The following DPP8 variants were observed in gnomAD, a reference collection of about 807,000 sequenced individuals.
DPP8 encodes dipeptidyl peptidase 8.
A neutral mutation model predicts 107.5 loss-of-function variants in DPP8; 31 were observed. The ratio of observed to expected loss-of-function variants is 0.29; its 90% CI spans 0.22 to 0.39. DPP8 has a LOEUF of 0.39. DPP8 is among the 10% of genes least tolerant of loss of function. The pLI is 1.00. For missense variants in DPP8, 842 were observed against 1,076.1 expected (o/e 0.78, Z 3.04); for synonymous variants, 381 against 356.6 (o/e 1.07, Z -0.77).
At chr15:65,472,421 C>G (rs1325616116) in intron 12 of DPP8, among the ~76,000 whole-genome samples, 1 of 151,924 alleles carries the variant, frequency 6.6e-6, no homozygotes, top group African/African-American at 2.4e-5. Flanking sequence ...AGCCTTCCAA[C>G]TAGCTGGGAC....
chr15:65,465,167 C>CT (rs199937501), intron 14 of DPP8, among the ~76,000 whole-genome samples: 1,869 of 127,712 alleles, frequency 0.015, 33 homozygotes, highest in African/African-American at 0.043. Flanking sequence ...TTTGTTTTTT[C>CT]TTTTTTTTTT....
intron 11 of DPP8, among the ~76,000 whole-genome samples, chr15:65,476,403 G>A (rs896833419): frequency 4.6e-5 from 7 of 152,148 alleles, no homozygotes; most frequent in Middle Eastern, 3.4e-3. Context: ...CAGCTCTTAA[G>A]AAAGCAAAGA....
chr15:65,471,076 G>A (rs2065852418), intron 12 of DPP8, among the ~76,000 whole-genome samples: 1 of 152,170 alleles, frequency 6.6e-6, no homozygotes, highest in African/African-American at 2.4e-5. Context: ...TACAATTATT[G>A]GGGTTCCCTC....
At chr15:65,488,435 C>T (rs1281479280) in intron 6 of DPP8, among the ~76,000 whole-genome samples, 2 of 151,310 alleles carry the variant, frequency 1.3e-5, no homozygotes, top group African/African-American at 4.9e-5. Flanking sequence ...GGCAATACCC[C>T]ATCTCTAAAA....
chr15:65,490,917 T>C (rs576697800), intron 5 of DPP8, among the ~76,000 whole-genome samples: 19 of 152,184 alleles, frequency 1.2e-4, no homozygotes, highest in African/African-American at 4.6e-4. Context: ...CCCAGCACTT[T>C]GGGAGGCCGA....
At chr15:65,496,900 A>AT (rs1424469987) in intron 5 of DPP8, among the ~76,000 whole-genome samples, 1 of 145,730 alleles carries the variant, frequency 6.9e-6, no homozygotes, top group Non-Finnish European at 1.5e-5. Context: ...AAGTAGTTTT[A>AT]TTTTTTTGAG....
chr15:65,474,100 G>C, intron 12 of DPP8, 109 bp downstream of exon 12: 1 of 823,944 alleles, frequency 1.2e-6, no homozygotes, highest in Non-Finnish European at 2.0e-6. Flanking sequence ...GCAAGACTCT[G>C]TCTCGGAAAA....
At chr15:65,490,103 A>AAT (rs2067879615) in intron 6 of DPP8, 86 bp downstream of exon 6, 1 of 612,148 alleles carries the variant, frequency 1.6e-6, no homozygotes, top group Non-Finnish European at 2.7e-6. Flanking sequence ...TCTATTATCC[A>AAT]AGATTTAGAA....
chr15:65,468,998 C>A (rs1027809904), intron 12 of DPP8, among the ~76,000 whole-genome samples: 1 of 151,954 alleles, frequency 6.6e-6, no homozygotes, highest in Non-Finnish European at 1.5e-5. Flanking sequence ...TTTTTGAGAC[C>A]GAGTTTCGCT....
At chr15:65,509,589 A>G (rs1445748415) in intron 2 of DPP8, among the ~76,000 whole-genome samples, 5 of 152,248 alleles carry the variant, frequency 3.3e-5, no homozygotes, top group Admixed American at 2.6e-4. Flanking sequence ...AGCATGACAA[A>G]GAACAAGAGG....
At chr15:65,488,103 ATT>A (rs778734703) in intron 6 of DPP8, among the ~76,000 whole-genome samples, 27 of 152,214 alleles carry the variant, frequency 1.8e-4, no homozygotes, top group Non-Finnish European at 3.5e-4. Flanking sequence ...CATAAAATGC[ATT>A]CTTTGTTGAA....
intron 4 of DPP8, among the ~76,000 whole-genome samples, chr15:65,498,782 G>A (rs2068859746): frequency 6.6e-6 from 1 of 152,010 alleles, no homozygotes. Flanking sequence ...ATAATCAATT[G>A]CCTAGGATAA....
intron 16 of DPP8, among the ~76,000 whole-genome samples, chr15:65,454,784 C>T (rs1460083441): frequency 6.6e-6 from 1 of 152,236 alleles, no homozygotes; most frequent in East Asian, 1.9e-4. Context: ...CTCGGCCTCC[C>T]AAATTGCTGG....
chr15:65,491,084 G>A (rs796221746), intron 5 of DPP8, among the ~76,000 whole-genome samples: 38 of 150,810 alleles, frequency 2.5e-4, no homozygotes, highest in African/African-American at 9.1e-4. Context: ...CTTGAACCCG[G>A]GAGGTGGAGG....
At chr15:65,484,525 A>G (rs1229129605) in intron 8 of DPP8, among the ~76,000 whole-genome samples, 1 of 152,094 alleles carries the variant, frequency 6.6e-6, no homozygotes, top group Admixed American at 6.6e-5. Flanking sequence ...TGTGAGTTAT[A>G]TATCTCAGTA....
intron 6 of DPP8, among the ~76,000 whole-genome samples, chr15:65,488,603 CAAAA>C (rs1166493197): frequency 2.4e-3 from 110 of 45,276 alleles, no homozygotes; most frequent in East Asian, 6.2e-3. Flanking sequence ...GACCCTGCCT[CAAAA>C]AAAAAAAAAA....
chr15:65,502,978 A>G (rs2069431842), intron 3 of DPP8: 1 of 152,240 alleles, frequency 6.6e-6, no homozygotes, highest in African/African-American at 2.4e-5. Context: ...ATGGATTGGA[A>G]GACAGAGTAA....
At chr15:65,500,558 AACCTTTTGG>A in intron 4 of DPP8, 39 bp downstream of exon 4, 1 of 1,493,072 alleles carries the variant, frequency 6.7e-7, no homozygotes, top group Non-Finnish European at 9.3e-7. Context: ...GGGTACAAAT[AACCTTTTGG>A]ACCCAAACCA....
intron 8 of DPP8, among the ~76,000 whole-genome samples, chr15:65,482,691 T>C (rs1307532894): frequency 6.6e-6 from 1 of 152,162 alleles, no homozygotes; most frequent in Non-Finnish European, 1.5e-5. Flanking sequence ...AGGATCTGAA[T>C]AGACAGTCCT....
Sources: gnomAD v4.1 joint callset for allele counts (sites outside exome capture counted in the v4.1 genomes callset) on GRCh38, gnomAD v4.1.1 for gene constraint, MANE v1.5 for transcripts, NCBI Gene and HGNC (gene_info 2026-07-23, HGNC 2026-07-21) for gene names.